FHIP1A: variants seen among roughly 807,000 people sequenced by gnomAD.
The protein encoded by FHIP1A is FHF complex subunit HOOK interacting protein 1A, also known as FHF complex subunit HOOK-interacting protein 1A.
FHIP1A carries 61 observed loss-of-function variants against 88.6 expected under a neutral mutation model. The ratio of observed to expected loss-of-function variants is 0.69; its 90% CI spans 0.56 to 0.85. The LOEUF is 0.85. Among genes scored for constraint, FHIP1A ranks in the 40% least tolerant of loss-of-function variants. The pLI, the probability that FHIP1A is intolerant of heterozygous loss-of-function variation, is 0.00. For synonymous variants in FHIP1A, 478 were observed against 496.0 expected, an observed-to-expected ratio of 0.96 and a Z score of 0.48; for missense variants, 1,154 against 1,273.5, an observed-to-expected ratio of 0.91 and a Z score of 1.43.
intron 5 of FHIP1A, among the ~76,000 whole-genome samples, chr4:151,585,470 C>G (rs1459579026): frequency 6.6e-6 from 1 of 152,182 alleles, no homozygotes; most frequent in East Asian, 1.9e-4. Flanking sequence ...TGAGCCACCA[C>G]CCCTGGCCCC....
intron 3 of FHIP1A, among the ~76,000 whole-genome samples, chr4:151,507,464 T>A (rs1730875108): frequency 6.6e-6 from 1 of 152,210 alleles, no homozygotes; most frequent in Non-Finnish European, 1.5e-5. Context: ...GAACATGTTA[T>A]CTATTATTTT....
At chr4:151,463,784 C>A (rs572696428) in intron 2 of FHIP1A, among the ~76,000 whole-genome samples, 34 of 152,296 alleles carry the variant, frequency 2.2e-4, no homozygotes, top group Admixed American at 6.5e-4. Context: ...CACCATGACA[C>A]TGACTGAAAA....
At chr4:151,598,808 T>C (rs754132716) in intron 7 of FHIP1A, among the ~76,000 whole-genome samples, 2 of 152,232 alleles carry the variant, frequency 1.3e-5, no homozygotes, top group African/African-American at 4.8e-5. Flanking sequence ...GGAAACTGAA[T>C]GTTTTCTTAC....
At chr4:151,487,843 G>A (rs1260527056) in intron 3 of FHIP1A, among the ~76,000 whole-genome samples, 1 of 152,230 alleles carries the variant, frequency 6.6e-6, no homozygotes, top group Admixed American at 6.5e-5. Flanking sequence ...AAGCCAGGCT[G>A]TCTGGTTCTA....
chr4:151,567,822 TA>T (rs1733444837), intron 4 of FHIP1A, among the ~76,000 whole-genome samples: 1 of 152,220 alleles, frequency 6.6e-6, no homozygotes. Context: ...TATTAGTGCA[TA>T]ATCATATGTT....
chr4:151,461,093 A>G (rs1391357980), intron 2 of FHIP1A, among the ~76,000 whole-genome samples: 1 of 152,242 alleles, frequency 6.6e-6, no homozygotes, highest in Non-Finnish European at 1.5e-5. Context: ...GAGGACAAAT[A>G]GGAAAGTGTG....
intron 5 of FHIP1A, among the ~76,000 whole-genome samples, chr4:151,584,139 T>C (rs11944139): frequency 0.25 from 37,754 of 152,090 alleles, 5,624 homozygotes; most frequent in Non-Finnish European, 0.33. Context: ...TGTCTTCTTG[T>C]TCTTTATACT....
intron 3 of FHIP1A, among the ~76,000 whole-genome samples, chr4:151,518,268 A>C (rs1434403809): frequency 6.6e-6 from 1 of 152,174 alleles, no homozygotes; most frequent in African/African-American, 2.4e-5. Flanking sequence ...AATATTCATT[A>C]CTACCATGCT....
At chr4:151,580,497 G>A (rs1733980245) in intron 5 of FHIP1A, among the ~76,000 whole-genome samples, 1 of 152,108 alleles carries the variant, frequency 6.6e-6, no homozygotes, top group Non-Finnish European at 1.5e-5. Context: ...GTTGTCAAGA[G>A]TGAAAAAAAC....
intron 3 of FHIP1A, among the ~76,000 whole-genome samples, chr4:151,486,824 G>A (rs866467533): frequency 3.3e-5 from 5 of 151,826 alleles, no homozygotes; most frequent in Admixed American, 6.6e-5. Context: ...AAAATTAGCC[G>A]GGTGTGGTGT....
chr4:151,586,564 G>A lies in FHIP1A; in HGVS notation c.733-77G>A. The A allele has an allele frequency of 9.3e-6, 11 of 1,180,692 alleles. No homozygotes were observed. The South Asian group carries it at 1.7e-4, about 19-fold the overall frequency. 73.1% of individuals were successfully genotyped at this position (1,180,692 alleles called of 1,614,324 possible). ...ATATAGTTTTGGGACCAGCAGCATT[G>A]GCATCACCTGTGAGCTGTTAATTGC... is the stretch of plus-strand genomic sequence containing the variant. On this transcript the variant is annotated intron_variant, in intron 5 of 13. Transcript: ENST00000435205.
At chr4:151,424,702 C>T (rs1196047126) in intron 1 of FHIP1A, among the ~76,000 whole-genome samples, 1 of 151,842 alleles carries the variant, frequency 6.6e-6, no homozygotes, top group Non-Finnish European at 1.5e-5. Context: ...AGAAGTTATA[C>T]TCATTGATTA....
chr4:151,660,695 G>A (rs1441428934), intron 13 of FHIP1A, among the ~76,000 whole-genome samples: 1 of 152,194 alleles, frequency 6.6e-6, no homozygotes, highest in East Asian at 1.9e-4. Flanking sequence ...CAATAACATG[G>A]AGAGGAGGCT....
chr4:151,546,534 G>T (rs771754881), intron 3 of FHIP1A, among the ~76,000 whole-genome samples: 8 of 152,196 alleles, frequency 5.3e-5, no homozygotes, highest in Non-Finnish European at 1.0e-4. Context: ...AAGGTATTGG[G>T]GATATAGCAG....
At chr4:151,418,526 T>C (rs1732986914) in intron 1 of FHIP1A, among the ~76,000 whole-genome samples, 1 of 152,218 alleles carries the variant, frequency 6.6e-6, no homozygotes. Context: ...TCCTTCACAG[T>C]GAATCACAAA....
intron 7 of FHIP1A, among the ~76,000 whole-genome samples, chr4:151,626,704 A>G (rs975377812): frequency 6.6e-6 from 1 of 152,218 alleles, no homozygotes; most frequent in African/African-American, 2.4e-5. Flanking sequence ...GCTACCTGCA[A>G]TTCTTTATAA....
intron 3 of FHIP1A, among the ~76,000 whole-genome samples, chr4:151,525,532 A>G (rs1731597941): frequency 6.6e-6 from 1 of 152,350 alleles, no homozygotes; most frequent in Middle Eastern, 3.4e-3. Flanking sequence ...GGGTCTTGGC[A>G]GATGCCCCCA....
chr4:151,520,575 T>C (rs1211247489), intron 3 of FHIP1A, among the ~76,000 whole-genome samples: 4 of 152,242 alleles, frequency 2.6e-5, no homozygotes, highest in African/African-American at 9.6e-5. Context: ...GTTTAATCTT[T>C]ACTTGAGTGC....
chr4:151,629,735 T>C lies in FHIP1A; in HGVS notation c.1012T>C (p.Tyr338His). 6.4e-7 allele frequency: 1 copy of C among 1,551,328 alleles called. No homozygotes were observed. Among genetic ancestry groups the C allele is most frequent in the Non-Finnish European group, 8.7e-7 (1 of 1,146,720 alleles). ...GGAAGAGGTCATGACCACAACTGCA[T>C]ATCTGGACCTTTTCCTGCGTAGCAT... ...TVEEVMTTTA[Y>H]LDLFLRSISE... The change falls in exon 8 of 14, where the codon TAT becomes CAT. Residue 338 changes from tyrosine to histidine, a missense_variant. Tyr to His is a moderately conservative substitution (Grantham distance 83). Coordinates refer to ENST00000435205, the MANE Select transcript of FHIP1A (RefSeq NM_001109977.3).
Sources: allele counts gnomAD v4.1 joint callset (sites outside exome capture counted in the v4.1 genomes callset), GRCh38; gene constraint gnomAD v4.1.1; transcripts MANE v1.5; gene names NCBI Gene and HGNC (gene_info 2026-07-23, HGNC 2026-07-21).